The following EPHA6 variants were observed in gnomAD, a reference collection of about 807,000 sequenced individuals.
The protein encoded by EPHA6 is ephrin type-A receptor 6.
In EPHA6, 50 loss-of-function variants were observed where a neutral mutation model predicts 112.0. The ratio of observed to expected loss-of-function variants is 0.45; its 90% CI spans 0.36 to 0.56. The LOEUF (loss-of-function observed/expected upper bound fraction) is 0.56, where lower values mean the gene tolerates loss of function less well. Among genes scored for constraint, EPHA6 ranks in the 20% least tolerant of loss-of-function variants. The probability of loss-of-function intolerance (pLI) is 0.00; values close to 1 mark genes in which losing one functional copy is unlikely to be tolerated. For synonymous variants in EPHA6, 529 were observed against 490.7 expected (o/e 1.08, Z -1.03); for missense variants, 1,280 against 1,417.4 (o/e 0.90, Z 1.56).
chr3:97,558,361 A>G (rs1055632170), intron 11 of EPHA6, among the ~76,000 whole-genome samples: 4 of 152,012 alleles, frequency 2.6e-5, no homozygotes, highest in African/African-American at 9.7e-5. Flanking sequence ...CTCAGGATTG[A>G]CAGTTTTCAT....
intron 2 of EPHA6, among the ~76,000 whole-genome samples, chr3:96,943,192 C>A (rs1359869503): frequency 1.3e-5 from 2 of 151,898 alleles, no homozygotes; most frequent in Non-Finnish European, 2.9e-5. Context: ...GAATAATATT[C>A]TTTTTTGTAT....
intron 1 of EPHA6, among the ~76,000 whole-genome samples, chr3:96,843,804 T>C (rs1285189496): frequency 6.6e-6 from 1 of 152,184 alleles, no homozygotes; most frequent in African/African-American, 2.4e-5. Flanking sequence ...AAGAAAAGTA[T>C]GCCTTAACAA....
At chr3:97,356,482 T>C (rs1056122170) in intron 5 of EPHA6, among the ~76,000 whole-genome samples, 1 of 152,146 alleles carries the variant, frequency 6.6e-6, no homozygotes, top group Non-Finnish European at 1.5e-5. Flanking sequence ...GTCTTATAAG[T>C]TTTGGTATGT....
At chr3:97,132,980 A>G (rs1300946310) in intron 3 of EPHA6, among the ~76,000 whole-genome samples, 2 of 152,082 alleles carry the variant, frequency 1.3e-5, no homozygotes, top group African/African-American at 2.4e-5. Flanking sequence ...CTGTTACAGC[A>G]TAACAGTGCT....
intron 2 of EPHA6, among the ~76,000 whole-genome samples, chr3:96,913,431 A>C (rs1238351175): frequency 3.3e-5 from 5 of 152,052 alleles, no homozygotes; most frequent in Admixed American, 6.6e-5. Context: ...ACATTTAAGA[A>C]AGATGTCTGT....
intron 14 of EPHA6, among the ~76,000 whole-genome samples, chr3:97,706,258 A>G (rs1559616395): frequency 6.6e-6 from 1 of 151,958 alleles, no homozygotes; most frequent in South Asian, 2.1e-4. Context: ...TTATTTTAGG[A>G]AAAAAAACAC....
intron 12 of EPHA6, among the ~76,000 whole-genome samples, chr3:97,601,179 A>T (rs909371819): frequency 1.3e-5 from 2 of 152,160 alleles, no homozygotes; most frequent in African/African-American, 4.8e-5. Context: ...GGTCTTATTC[A>T]AAGAAACTAT....
chr3:97,649,518 G>T (rs2094092370), intron 14 of EPHA6, among the ~76,000 whole-genome samples: 1 of 151,872 alleles, frequency 6.6e-6, no homozygotes. Context: ...TTCAAATAAA[G>T]GAAATGGCAC....
At chr3:97,613,444 A>G (rs1394767549) in intron 13 of EPHA6, among the ~76,000 whole-genome samples, 1 of 152,022 alleles carries the variant, frequency 6.6e-6, no homozygotes, top group Admixed American at 6.6e-5. Context: ...CTATTTGAAA[A>G]CTGCTTCAAT....
intron 1 of EPHA6, among the ~76,000 whole-genome samples, chr3:96,823,922 A>G (rs2033465458): frequency 6.6e-6 from 1 of 151,834 alleles, no homozygotes; most frequent in East Asian, 1.9e-4. Flanking sequence ...TAACATGGTT[A>G]GAAAATTAGT....
intron 15 of EPHA6, among the ~76,000 whole-genome samples, chr3:97,722,253 T>A (rs1020929108): frequency 6.6e-6 from 1 of 152,346 alleles, no homozygotes; most frequent in African/African-American, 2.4e-5. Flanking sequence ...TTGCAGATTA[T>A]ATACAAGTAC....
At chr3:97,315,001 A>T (rs906690625) in intron 5 of EPHA6, among the ~76,000 whole-genome samples, 1 of 151,682 alleles carries the variant, frequency 6.6e-6, no homozygotes, top group Non-Finnish European at 1.5e-5. Context: ...CAAAAGTCAG[A>T]GTGTTTTCAA....
chr3:96,866,886 T>C lies in EPHA6; in HGVS notation c.447T>C (p.Asn149=). 2 of 1,468,130 alleles carry C rather than the reference T, an allele frequency of 1.4e-6. No individual in the cohort carries two copies. The highest frequency in any genetic ancestry group is 1.4e-5 in the African/African-American group (1 of 69,474). 90.9% of individuals were successfully genotyped at this position (1,468,130 alleles called of 1,614,324 possible). A position where few individuals can be genotyped will look rare whatever the true frequency, so the allele number is the denominator to read the frequency against. Residue 149 remains asparagine, a synonymous_variant, in exon 2 of 18, where the codon AAT becomes AAC. Transcript: ENST00000389672. ...GELGWKTYPL[N]GWDAITEMDE... is the part of the protein sequence containing the mutation. ...TAGGATGGAAAACATATCCATTAAATGGGGTAAGTTTAAATATCTGAAAAA... is the reference window on the plus strand; with the variant it reads ...TAGGATGGAAAACATATCCATTAAACGGGGTAAGTTTAAATATCTGAAAAA...
At chr3:97,353,358 T>A (rs1265131651) in intron 5 of EPHA6, among the ~76,000 whole-genome samples, 2 of 151,854 alleles carry the variant, frequency 1.3e-5, no homozygotes, top group Non-Finnish European at 2.9e-5. Context: ...CTGTGGCACA[T>A]TTCTGCATCT....
intron 3 of EPHA6, among the ~76,000 whole-genome samples, chr3:97,107,323 A>C (rs1001135519): frequency 6.6e-6 from 1 of 152,062 alleles, no homozygotes; most frequent in Non-Finnish European, 1.5e-5. Flanking sequence ...AACTAGCTTT[A>C]TACCTGGGGT....
intron 5 of EPHA6, among the ~76,000 whole-genome samples, chr3:97,377,989 T>C (rs531080650): frequency 6.6e-6 from 1 of 152,338 alleles, no homozygotes; most frequent in South Asian, 2.1e-4. Context: ...GCATAAGTAA[T>C]GAGGAGCCAA....
chr3:97,613,553 C>A (rs2093737890), intron 13 of EPHA6, among the ~76,000 whole-genome samples: 1 of 151,880 alleles, frequency 6.6e-6, no homozygotes, highest in African/African-American at 2.4e-5. Flanking sequence ...GCACTGGATT[C>A]ATCAATCTCA....
chr3:97,574,724 C>A (rs2093366615), intron 11 of EPHA6, among the ~76,000 whole-genome samples: 1 of 151,910 alleles, frequency 6.6e-6, no homozygotes, highest in South Asian at 2.1e-4. Flanking sequence ...AAAATATGAG[C>A]AGCTAATTTT....
intron 3 of EPHA6, among the ~76,000 whole-genome samples, chr3:97,047,910 A>G (rs1225467004): frequency 6.6e-6 from 1 of 152,298 alleles, no homozygotes; most frequent in South Asian, 2.1e-4. Context: ...CAATGGCATT[A>G]TTGACAAATG....
Sources: allele counts gnomAD v4.1 joint callset (sites outside exome capture counted in the v4.1 genomes callset), GRCh38; gene constraint gnomAD v4.1.1; transcripts MANE v1.5; gene names NCBI Gene and HGNC (gene_info 2026-07-23, HGNC 2026-07-21).